The following BFAR variants were observed in gnomAD, a reference collection of about 807,000 sequenced individuals.
BFAR encodes the protein RING finger protein 47.
BFAR carries 52 observed loss-of-function variants against 54.4 expected under a neutral mutation model. The observed-to-expected ratio is 0.96, with a 90% CI of 0.77 to 1.21. BFAR has a LOEUF of 1.21. Among genes scored for constraint, BFAR ranks in the 50% most tolerant of loss-of-function variants. The pLI, the probability that BFAR is intolerant of heterozygous loss-of-function variation, is 0.00. For synonymous variants in BFAR, 215 were observed against 204.3 expected, an observed-to-expected ratio of 1.05 and a Z score of -0.45; for missense variants, 571 against 534.0, an observed-to-expected ratio of 1.07 and a Z score of -0.68.
chr16:14,656,295 G>A (rs1960127385), intron 5 of BFAR, among the ~76,000 whole-genome samples: 1 of 152,150 alleles, frequency 6.6e-6, no homozygotes, highest in African/African-American at 2.4e-5. Flanking sequence ...GGAAGGCTGA[G>A]GTGGGAGGAT....
chr16:14,642,313 G>T (rs528858195), intron 1 of BFAR, among the ~76,000 whole-genome samples: 4 of 152,264 alleles, frequency 2.6e-5, no homozygotes, highest in African/African-American at 7.2e-5. Flanking sequence ...AATCTTGATG[G>T]TTTGTGTACT....
In BFAR at chr16:14,662,821, A is replaced by G. The variant is rs191982116; in HGVS notation, c.957+756A>G. Among the ~76,000 whole-genome samples, 13 of 152,168 alleles carry G rather than the reference A, an allele frequency of 8.5e-5. No individual in the cohort carries two copies. In the East Asian group the frequency reaches 2.3e-3, roughly 27 times the overall value. ...AGACACCGAGTTAAAGAAGGAAGGG[A>G]TTTATTTGTCCGGGAGCGTCGGCAA... On this transcript the variant is annotated intron_variant, in intron 6 of 7. Transcript: ENST00000261658.
intron 1 of BFAR, among the ~76,000 whole-genome samples, chr16:14,633,909 T>C (rs987748496): frequency 3.9e-5 from 6 of 152,132 alleles, no homozygotes; most frequent in African/African-American, 1.4e-4. Context: ...CGCCTCGGCC[T>C]CCCAAAGTGG....
intron 6 of BFAR, 94 bp from the exon 7 acceptor site, chr16:14,664,775 C>T: frequency 4.1e-6 from 5 of 1,216,254 alleles, no homozygotes; most frequent in Non-Finnish European, 6.0e-6. Context: ...GGTGGGATTA[C>T]AGGTGTGAGC....
At chr16:14,647,978 G>C (rs1959850610) in intron 2 of BFAR, among the ~76,000 whole-genome samples, 1 of 152,140 alleles carries the variant, frequency 6.6e-6, no homozygotes, top group Non-Finnish European at 1.5e-5. Flanking sequence ...AGTGGCTCAT[G>C]CCTCTAATCT....
chr16:14,657,341 TG>T (rs1335122819), intron 5 of BFAR, among the ~76,000 whole-genome samples: 1 of 151,012 alleles, frequency 6.6e-6, no homozygotes. Context: ...CTCTGCCTAC[TG>T]GGTTCACGCC....
chr16:14,648,057 T>C (rs546285957), intron 2 of BFAR, among the ~76,000 whole-genome samples: 1 of 152,042 alleles, frequency 6.6e-6, no homozygotes, highest in East Asian at 1.9e-4. Context: ...CTGGGCAACA[T>C]AGTGAAACCC....
Position 14,662,076 on chromosome 16 carries a change from A to G in BFAR, c.957+11A>G, listed in dbSNP as rs1960306977. ...GTCACCAAGCTTCTGGTAGGTCTGCACAGTGCCTGGAATAAAGTTATTCCA... is the reference window on the plus strand; with the variant it reads ...GTCACCAAGCTTCTGGTAGGTCTGCGCAGTGCCTGGAATAAAGTTATTCCA... On this transcript the variant is annotated intron_variant, in intron 6 of 7. Coordinates refer to ENST00000261658, the MANE Select transcript of BFAR (RefSeq NM_016561.3). 6.2e-7 allele frequency: 1 copy of G among 1,613,920 alleles called. No homozygotes were observed. Among genetic ancestry groups the G allele is most frequent in the East Asian group, 2.2e-5 (1 of 44,880 alleles).
At chr16:14,648,179 C>CA (rs1041809393) in intron 2 of BFAR, among the ~76,000 whole-genome samples, 28 of 151,954 alleles carry the variant, frequency 1.8e-4, no homozygotes, top group Non-Finnish European at 3.4e-4. Flanking sequence ...GACTCCGTCT[C>CA]AAAAAAACAA....
intron 1 of BFAR, among the ~76,000 whole-genome samples, chr16:14,640,257 A>G (rs950930986): frequency 6.6e-6 from 1 of 151,902 alleles, no homozygotes; most frequent in Middle Eastern, 3.2e-3. Flanking sequence ...AACCATATAT[A>G]CCCATTAGTA....
At position 14,669,165 on chromosome 16, in the gene BFAR, CA is replaced by C; in HGVS notation, c.*1342del. 5.8e-6 allele frequency: 2 copies of C among 342,488 alleles called. No individual in the cohort carries two copies. Among genetic ancestry groups the C allele is most frequent in the South Asian group, 4.3e-5 (2 of 47,056 alleles). 21.2% of individuals were successfully genotyped at this position (342,488 alleles called of 1,614,324 possible). A position where few individuals can be genotyped will look rare whatever the true frequency, so the allele number is the denominator to read the frequency against. ...TGTATCTTTGAGTGAAAATTTTACT[CA>C]AAAGTTGCATCTGGAAGTTCGAAGA... On this transcript the variant is annotated 3_prime_UTR_variant, in exon 8 of 8. Coordinates refer to ENST00000261658, the MANE Select transcript of BFAR (RefSeq NM_016561.3).
chr16:14,661,172 C>T (rs912574100), intron 5 of BFAR, among the ~76,000 whole-genome samples: 7 of 152,184 alleles, frequency 4.6e-5, no homozygotes, highest in African/African-American at 1.7e-4. Flanking sequence ...TCACTGGTTT[C>T]ACTATTACAC....
intron 6 of BFAR, among the ~76,000 whole-genome samples, chr16:14,663,984 A>G (rs975578727): frequency 3.3e-5 from 5 of 151,982 alleles, no homozygotes; most frequent in Non-Finnish European, 5.9e-5. Context: ...GTTCACTCCT[A>G]TAATCCAAGC....
chr16:14,660,434 A>G (rs1260516517), intron 5 of BFAR, among the ~76,000 whole-genome samples: 1 of 151,806 alleles, frequency 6.6e-6, no homozygotes, highest in Non-Finnish European at 1.5e-5. Flanking sequence ...TTACAGGCAC[A>G]TGCCACCAAG....
intron 4 of BFAR, among the ~76,000 whole-genome samples, chr16:14,652,697 C>T (rs1356296176): frequency 6.6e-6 from 1 of 152,070 alleles, no homozygotes; most frequent in Non-Finnish European, 1.5e-5. Flanking sequence ...CCAGATGTTT[C>T]AGTACTTACA....
At chr16:14,660,427 C>T (rs1960256599) in intron 5 of BFAR, among the ~76,000 whole-genome samples, 1 of 151,882 alleles carries the variant, frequency 6.6e-6, no homozygotes, top group African/African-American at 2.4e-5. Context: ...GCTGGGATTA[C>T]AGGCACATGC....
intron 5 of BFAR, among the ~76,000 whole-genome samples, chr16:14,659,243 TG>T (rs1567493913): frequency 1.2e-4 from 17 of 146,550 alleles, no homozygotes; most frequent in South Asian, 4.3e-4. Flanking sequence ...TGTTTTTTTT[TG>T]TTTTTTGTTT....
intron 4 of BFAR, chr16:14,650,658 A>G (rs942584643): frequency 1.3e-5 from 2 of 152,208 alleles, no homozygotes; most frequent in Admixed American, 6.5e-5. Context: ...GTGACATAAC[A>G]TGTATCAGTA....
intron 5 of BFAR, among the ~76,000 whole-genome samples, chr16:14,656,230 AAG>A: frequency 6.6e-6 from 1 of 152,186 alleles, no homozygotes; most frequent in East Asian, 1.9e-4. Flanking sequence ...CAGAAACAAA[AAG>A]AGTAACGCTG....
Sources: allele counts gnomAD v4.1 joint callset (sites outside exome capture counted in the v4.1 genomes callset), GRCh38; gene constraint gnomAD v4.1.1; transcripts MANE v1.5; gene names NCBI Gene and HGNC (gene_info 2026-07-23, HGNC 2026-07-21).